MAPK8IP1: variants seen among roughly 807,000 people sequenced by gnomAD.
The protein encoded by MAPK8IP1 is C-Jun-amino-terminal kinase-interacting protein 1.
Under a neutral mutation model 72.6 loss-of-function variants are expected in MAPK8IP1, and 17 were observed. The ratio of observed to expected loss-of-function variants is 0.23; its 90% CI spans 0.16 to 0.35. MAPK8IP1 has a LOEUF of 0.35. Among genes scored for constraint, MAPK8IP1 ranks in the 10% least tolerant of loss-of-function variants. The pLI, the probability that MAPK8IP1 is intolerant of heterozygous loss-of-function variation, is 1.00. For missense variants in MAPK8IP1, 789 were observed against 1,009.7 expected (o/e 0.78, Z 2.96); for synonymous variants, 401 against 443.4 (o/e 0.90, Z 1.20).
intron 1 of MAPK8IP1, among the ~76,000 whole-genome samples, chr11:45,889,381 T>C (rs1056501151): frequency 6.6e-6 from 1 of 152,234 alleles, no homozygotes; most frequent in African/African-American, 2.4e-5. Flanking sequence ...TCTTATTTTA[T>C]AATGAGTATA....
chr11:45,892,529 G>A (rs79068979), intron 1 of MAPK8IP1, among the ~76,000 whole-genome samples: 5,723 of 152,266 alleles, frequency 0.038, 358 homozygotes, highest in African/African-American at 0.13. Context: ...ACAGTGATAC[G>A]GAACCACAGC....
rs116109229 is a variant in MAPK8IP1, at chr11:45,890,123, G to A, written c.101+4202G>A. ...CAAGGGTGTCACTGGAGTGAAGGGC[G>A]GAGACCAGAGCGGGTGGGCAGGGTG... On this transcript the variant is annotated intron_variant, in intron 1 of 11. Transcript: ENST00000241014. Among the ~76,000 whole-genome samples the A allele has an allele frequency of 2.8e-3, 433 of 152,306 alleles. 4 individuals are homozygous for A. Among genetic ancestry groups the A allele is most frequent in the African/African-American group, 1.0e-2 (415 of 41,558 alleles).
rs368102116 is a variant in MAPK8IP1, at chr11:45,902,557, C to A, written c.790C>A (p.Arg264=). 3 of 1,612,384 alleles carry A rather than the reference C, an allele frequency of 1.9e-6. No homozygotes were observed. Among genetic ancestry groups the A allele is most frequent in the Non-Finnish European group, 2.5e-6 (3 of 1,179,790 alleles). ...GCCTGGGGGTCGGGGCCACTCGCAT[C>A]GAGACCGAATCCACTACCAGGCCGA... ...APPGGRGHSH[R]DRIHYQADVR... is the part of the protein sequence containing the mutation. Residue 264 remains arginine (R), a synonymous_variant, in exon 5 of 12, where the codon CGA becomes AGA. Transcript: ENST00000241014. This position sits in a 1 kb window ranked among gnomAD's most constrained non-coding sequence, Gnocchi z 9.3.
intron 1 of MAPK8IP1, among the ~76,000 whole-genome samples, chr11:45,887,737 G>T (rs1239553158): frequency 6.6e-6 from 1 of 152,242 alleles, no homozygotes; most frequent in Non-Finnish European, 1.5e-5. Context: ...AGTAGGCCAC[G>T]AGGCTGAGGT....
chr11:45,893,350 G>A (rs923201647), intron 1 of MAPK8IP1, among the ~76,000 whole-genome samples: 4 of 152,158 alleles, frequency 2.6e-5, no homozygotes, highest in African/African-American at 9.7e-5. Flanking sequence ...GTTTGTTCAG[G>A]GCCATTTAGA....
At position 45,900,255 on chromosome 11, in the gene MAPK8IP1, G is replaced by A. The variant is rs2086640567; in HGVS notation, c.325G>A (p.Asp109Asn). ...GGGGGACACTCCCGGGGCCGAGGACGACGAGGAGGACGACGACGAGGAGCG... is the reference window on the plus strand; with the variant it reads ...GGGGGACACTCCCGGGGCCGAGGACAACGAGGAGGACGACGACGAGGAGCG... ...ATGDTPGAED[D>N]EEDDDEERAA... Residue 109 changes from aspartate to asparagine, a missense_variant, in exon 3 of 12, where the codon GAC becomes AAC. Asp to Asn is a conservative substitution (Grantham distance 23, BLOSUM62 1). Coordinates refer to ENST00000241014, the MANE Select transcript of MAPK8IP1 (RefSeq NM_005456.4). The surrounding 1 kb of genome is among the most constrained non-coding windows in gnomAD (Gnocchi z 6.5). 1 of 1,332,522 alleles carries A rather than the reference G, an allele frequency of 7.5e-7. No individual in the cohort carries two copies. The highest frequency in any genetic ancestry group is 9.5e-7 in the Non-Finnish European group (1 of 1,047,972). The allele number at this position is 1,332,522 out of a possible 1,614,324, so 82.5% of individuals were successfully genotyped here. A position where few individuals can be genotyped will look rare whatever the true frequency, so the allele number is the denominator to read the frequency against.
At chr11:45,898,261 C>A in intron 2 of MAPK8IP1, 71 bp downstream of exon 2, 1 of 1,026,914 alleles carries the variant, frequency 9.7e-7, no homozygotes, top group Non-Finnish European at 1.5e-6. Flanking sequence ...AGGGTATCCC[C>A]ATAGTGACAA....
chr11:45,903,036 T>C lies in MAPK8IP1; in HGVS notation c.1269T>C (p.Tyr423=), dbSNP rs774132683. The change falls in exon 5 of 12, where the codon TAT becomes TAC. Residue 423 remains tyrosine, a synonymous_variant. Transcript: ENST00000241014. The surrounding 1 kb of genome is among the most constrained non-coding windows in gnomAD (Gnocchi z 6.4). ...ACTGTGCCTCCGTCTCCTCGCCCTATGAGTCGGCCATCGGAGAGGAATATG... is the reference window on the plus strand; with the variant it reads ...ACTGTGCCTCCGTCTCCTCGCCCTACGAGTCGGCCATCGGAGAGGAATATG... The part of the protein sequence containing the change: ...YDNCASVSSP[Y]ESAIGEEYEE... The C allele has an allele frequency of 7.4e-6, 12 of 1,611,662 alleles. No homozygotes were observed. Among genetic ancestry groups the C allele is most frequent in the Non-Finnish European group, 1.0e-5 (12 of 1,179,868 alleles).
chr11:45,903,272 G>T lies in MAPK8IP1; in HGVS notation c.1417+88G>T. 6.3e-7 allele frequency: 1 copy of T among 1,578,226 alleles called. No individual in the cohort carries two copies. Among genetic ancestry groups the T allele is most frequent in the Non-Finnish European group, 8.7e-7 (1 of 1,154,212 alleles). On this transcript the variant is annotated intron_variant, in intron 5 of 11. Transcript: ENST00000241014. This position sits in a 1 kb window ranked among gnomAD's most constrained non-coding sequence, Gnocchi z 6.4. ...GAAGTGTTCTGGGAGGCGACCCCAG[G>T]CCCCATCTGGTTAGGACTGAGGCTT... is the stretch of plus-strand genomic sequence containing the variant.
intron 2 of MAPK8IP1, among the ~76,000 whole-genome samples, chr11:45,898,442 G>A (rs1441262047): frequency 1.3e-5 from 2 of 152,114 alleles, no homozygotes; most frequent in African/African-American, 4.8e-5. Context: ...AACTGCCCAC[G>A]AGATGGGAGA....
At chr11:45,899,593 G>A (rs971435327) in intron 2 of MAPK8IP1, among the ~76,000 whole-genome samples, 5 of 152,148 alleles carry the variant, frequency 3.3e-5, no homozygotes, top group African/African-American at 4.8e-5. Context: ...CGGGCCAGCT[G>A]GCTTAGGGCG....
At position 45,904,222 on chromosome 11, in the gene MAPK8IP1, C is replaced by T; in HGVS notation, c.1666+61C>T. 1 of 1,554,866 alleles carries T rather than the reference C, an allele frequency of 6.4e-7. No individual in the cohort carries two copies. The highest frequency in any genetic ancestry group is 8.8e-7 in the Non-Finnish European group (1 of 1,137,644). ...CACATCTGTCTGCCCCAACTTGCTG[C>T]TAGGTGAACGTGTACTCCAGATCTC... On this transcript the variant is annotated intron_variant, in intron 7 of 11. Transcript: ENST00000241014. This position sits in a 1 kb window ranked among gnomAD's most constrained non-coding sequence, Gnocchi z 6.4.
Position 45,904,712 on chromosome 11 carries a change from C to T in MAPK8IP1, c.1777-6C>T. ...CAGCTGACGTGGCTCCATTTGTCAC[C>T]TGTAGATTGCCACCACCCGCCGGCT... On this transcript the variant is annotated splice_polypyrimidine_tract_variant and splice_region_variant and intron_variant, in intron 8 of 11. Transcript: ENST00000241014. This position sits in a 1 kb window ranked among gnomAD's most constrained non-coding sequence, Gnocchi z 6.4. 1.2e-6 allele frequency: 2 copies of T among 1,613,706 alleles called. No homozygotes were observed. Among genetic ancestry groups the T allele is most frequent in the South Asian group, 1.1e-5 (1 of 91,080 alleles).
At chr11:45,895,183 T>G (rs999314565) in intron 1 of MAPK8IP1, among the ~76,000 whole-genome samples, 1 of 152,124 alleles carries the variant, frequency 6.6e-6, no homozygotes, top group Non-Finnish European at 1.5e-5. Context: ...CAGTTTTGCC[T>G]GATAGTGGCA....
At chr11:45,897,893 C>T (rs909742984) in intron 1 of MAPK8IP1, among the ~76,000 whole-genome samples, 192 bp from the exon 2 acceptor site, 4 of 152,194 alleles carry the variant, frequency 2.6e-5, no homozygotes, top group Non-Finnish European at 5.9e-5. Context: ...AGGAGGACTG[C>T]CTTTTGGCAC....
At chr11:45,894,628 C>T (rs1488887988) in intron 1 of MAPK8IP1, among the ~76,000 whole-genome samples, 1 of 152,172 alleles carries the variant, frequency 6.6e-6, no homozygotes. Flanking sequence ...AGGCCCTGCT[C>T]CAGCCTGCAG....
At position 45,903,925 on chromosome 11, in the gene MAPK8IP1, C is replaced by G; in HGVS notation, c.1494-64C>G. On this transcript the variant is annotated intron_variant, in intron 6 of 11. Transcript: ENST00000241014. This position sits in a 1 kb window ranked among gnomAD's most constrained non-coding sequence, Gnocchi z 6.4. Reference sequence around the variant, plus strand: ...ACGATGCTGCTGTGGCTCCCAGACCCCAGAGTAGGCCTGGCTGGACAGGCC... The same window carrying G: ...ACGATGCTGCTGTGGCTCCCAGACCGCAGAGTAGGCCTGGCTGGACAGGCC... 1 of 1,481,914 alleles carries G rather than the reference C, an allele frequency of 6.7e-7. No individual in the cohort carries two copies. Among genetic ancestry groups the G allele is most frequent in the Non-Finnish European group, 9.4e-7 (1 of 1,064,382 alleles). The allele number at this position is 1,481,914 out of a possible 1,614,324, so 91.8% of individuals were successfully genotyped here. A position where few individuals can be genotyped will look rare whatever the true frequency, so the allele number is the denominator to read the frequency against.
chr11:45,902,134 C>T lies in MAPK8IP1; in HGVS notation c.604+73C>T, dbSNP rs1036317834. The T allele has an allele frequency of 2.2e-6, 3 of 1,357,010 alleles. No homozygotes were observed. In the Admixed American group the frequency reaches 5.0e-5, roughly 23 times the overall value. 84.1% of individuals were successfully genotyped at this position (1,357,010 alleles called of 1,614,324 possible). A position where few individuals can be genotyped will look rare whatever the true frequency, so the allele number is the denominator to read the frequency against. On this transcript the variant is annotated intron_variant, in intron 4 of 11. Coordinates refer to ENST00000241014, the MANE Select transcript of MAPK8IP1 (RefSeq NM_005456.4). This position sits in a 1 kb window ranked among gnomAD's most constrained non-coding sequence, Gnocchi z 9.3. ...CAGTCCCCACTACAGAGAGCAAACC[C>T]TACAGTCTCCAAAGGGCTGAGTAGA...
In MAPK8IP1 at chr11:45,906,126, G is replaced by T. The variant is rs1198494102; in HGVS notation, c.*405G>T. On this transcript the variant is annotated 3_prime_UTR_variant, in exon 12 of 12. Transcript: ENST00000241014. ...TGCCTTGATGAAGCCTGTGCCACCT[G>T]CAAGTGCCCGCCCTGCCCCTGCCCC... 5.3e-6 allele frequency: 2 copies of T among 375,644 alleles called. No individual in the cohort carries two copies. Among genetic ancestry groups the T allele is most frequent in the Non-Finnish European group, 9.8e-6 (2 of 203,166 alleles). 23.3% of individuals were successfully genotyped at this position (375,644 alleles called of 1,614,324 possible).
Sources: gnomAD v4.1 joint callset for allele counts (sites outside exome capture counted in the v4.1 genomes callset) on GRCh38, gnomAD v4.1.1 for gene constraint, Gnocchi (gnomAD v3.1) non-coding constraint, MANE v1.5 for transcripts, NCBI Gene and HGNC (gene_info 2026-07-23, HGNC 2026-07-21) for gene names.